Variants in DENND5A observed in about 807,000 individuals in gnomAD.
DENND5A encodes the protein DENN domain-containing protein 5A.
A neutral mutation model predicts 140.3 loss-of-function variants in DENND5A; 64 were observed. The observed-to-expected ratio is 0.46, with a 90% CI of 0.37 to 0.56. The LOEUF is 0.56. Among genes scored for constraint, DENND5A ranks in the 20% least tolerant of loss-of-function variants. The pLI is 0.00. For missense variants in DENND5A, 1,292 were observed against 1,593.8 expected (o/e 0.81, Z 3.22); for synonymous variants, 605 against 607.7 (o/e 1.00, Z 0.07).
At chr11:9,242,162 A>G (rs796317547) in intron 1 of DENND5A, among the ~76,000 whole-genome samples, 64 of 152,186 alleles carry the variant, frequency 4.2e-4, no homozygotes, top group African/African-American at 1.5e-3. Flanking sequence ...TTATTTTTCA[A>G]TGTCTCCCTC....
Position 9,216,094 on chromosome 11 carries a change from G to A in DENND5A, c.110-8462C>T, listed in dbSNP as rs561004715. Among the ~76,000 whole-genome samples the A allele has an allele frequency of 5.9e-5, 9 of 152,322 alleles. No homozygotes were observed. The East Asian group carries it at 1.7e-3, about 29-fold the overall frequency. ...TGTAATCAGCCTAAATTAAGTCTGA[G>A]CAACTAGTCAAGAAGGCAGGAGACA... is the stretch of plus-strand genomic sequence containing the variant. On this transcript the variant is annotated intron_variant, in intron 1 of 22. Transcript: ENST00000328194.
At chr11:9,144,894 C>T (rs971205165) in intron 18 of DENND5A, 101 bp downstream of exon 18, 21 of 825,606 alleles carry the variant, frequency 2.5e-5, no homozygotes, top group Non-Finnish European at 3.9e-5. Context: ...CAGGTTATCA[C>T]AACCTAAAGG....
At chr11:9,176,993 G>A (rs1014224570) in intron 8 of DENND5A, 15 of 450,694 alleles carry the variant, frequency 3.3e-5, no homozygotes, top group South Asian at 1.4e-4. Flanking sequence ...AGTGGCTAAC[G>A]CCTATAATCC....
intron 8 of DENND5A, among the ~76,000 whole-genome samples, chr11:9,173,140 T>C (rs1848429302): frequency 6.6e-6 from 1 of 152,084 alleles, no homozygotes; most frequent in Admixed American, 6.6e-5. Flanking sequence ...GCAACATCTT[T>C]AGAGTACTGA....
intron 5 of DENND5A, among the ~76,000 whole-genome samples, chr11:9,192,345 C>A (rs573831888): frequency 4.6e-5 from 7 of 152,028 alleles, no homozygotes; most frequent in African/African-American, 1.4e-4. Context: ...ATCTCTACCC[C>A]CGGCCGGGCG....
chr11:9,252,271 G>T (rs569582753), intron 1 of DENND5A, among the ~76,000 whole-genome samples: 70 of 148,700 alleles, frequency 4.7e-4, no homozygotes, highest in Non-Finnish European at 8.9e-4. Context: ...ACTCCAGCCT[G>T]GGCGACAGAG....
rs2136211311 is a variant in DENND5A, at chr11:9,203,732, G to A, written c.877C>T (p.Leu293Phe). Reference protein sequence around the residue: ...DFPVKEVFELLGVENVFQLFT... With the variant: ...DFPVKEVFELFGVENVFQLFT... ...AGCTGAAACACATTCTCCACCCCGA[G>A]CAGTTCAAAAACCTCTTTGACAGGA... Residue 293 changes from leucine to phenylalanine, a missense_variant, in exon 4 of 23, where the codon CTC (leucine) becomes TTC (phenylalanine). Physicochemically the swap from Leu to Phe is conservative, Grantham distance 22 (BLOSUM62 0). Coordinates refer to ENST00000328194, the MANE Select transcript of DENND5A (RefSeq NM_015213.4). 2 of 1,614,164 alleles carry A rather than the reference G, an allele frequency of 1.2e-6. No homozygotes were observed. Among genetic ancestry groups the A allele is most frequent in the Non-Finnish European group, 1.7e-6 (2 of 1,180,024 alleles).
At chr11:9,233,338 G>A (rs1850854251) in intron 1 of DENND5A, among the ~76,000 whole-genome samples, 1 of 151,418 alleles carries the variant, frequency 6.6e-6, no homozygotes, top group Non-Finnish European at 1.5e-5. Flanking sequence ...GGCAGAGGTT[G>A]GAGTGAGCTG....
chr11:9,201,496 C>T (rs1849522510), intron 4 of DENND5A, among the ~76,000 whole-genome samples: 1 of 151,866 alleles, frequency 6.6e-6, no homozygotes, highest in African/African-American at 2.4e-5. Flanking sequence ...TGTAGCAAGA[C>T]CCCATGTCTA....
chr11:9,153,712 A>G (rs776921955), intron 12 of DENND5A, among the ~76,000 whole-genome samples: 2 of 152,234 alleles, frequency 1.3e-5, no homozygotes, highest in Non-Finnish European at 2.9e-5. Context: ...AGTTGAAGAA[A>G]TGTGCAGAAA....
chr11:9,189,594 C>T (rs1024869605), intron 5 of DENND5A, among the ~76,000 whole-genome samples: 1 of 151,336 alleles, frequency 6.6e-6, no homozygotes, highest in Non-Finnish European at 1.5e-5. Context: ...GGGAACCCAC[C>T]TCTTTTTTTG....
At chr11:9,195,063 C>T (rs1394772149) in intron 4 of DENND5A, among the ~76,000 whole-genome samples, 1 of 143,784 alleles carries the variant, frequency 7.0e-6, no homozygotes, top group East Asian at 2.1e-4. Flanking sequence ...ATTGGTACAG[C>T]CAATAAAATT....
chr11:9,251,449 C>CA (rs1213219120), intron 1 of DENND5A, among the ~76,000 whole-genome samples: 14 of 152,094 alleles, frequency 9.2e-5, no homozygotes, highest in African/African-American at 3.4e-4. Flanking sequence ...AAAGACAGTA[C>CA]AATATTTGAG....
chr11:9,188,667 G>T (rs953688885), intron 5 of DENND5A, among the ~76,000 whole-genome samples: 1 of 152,204 alleles, frequency 6.6e-6, no homozygotes, highest in African/African-American at 2.4e-5. Context: ...GTGTTTTACT[G>T]AAGAGACTGG....
intron 1 of DENND5A, among the ~76,000 whole-genome samples, chr11:9,231,131 T>C (rs1317914778): frequency 6.6e-6 from 1 of 152,222 alleles, no homozygotes; most frequent in Non-Finnish European, 1.5e-5. Context: ...CTCCTTTCTT[T>C]CCAAAAGGTC....
Position 9,228,110 on chromosome 11 carries a change from C to CAAAA in DENND5A, c.110-20482_110-20479dup, listed in dbSNP as rs548141276. Among the ~76,000 whole-genome samples the CAAAA allele has an allele frequency of 9.5e-3, 691 of 72,400 alleles. 37 individuals are homozygous for CAAAA. Among genetic ancestry groups the CAAAA allele is most frequent in the African/African-American group, 0.02 (348 of 17,564 alleles). 47.5% of individuals were successfully genotyped at this position (72,400 alleles called of 152,430 possible). On this transcript the variant is annotated intron_variant, in intron 1 of 22. Transcript: ENST00000328194. ...CCTGGGCGATAGCAAGACTCCATCTCAAAAAAAAAAAAAAAAAAAAAACTT... is the reference window on the plus strand; with the variant it reads ...CCTGGGCGATAGCAAGACTCCATCTCAAAAAAAAAAAAAAAAAAAAAAAAAACTT...
At chr11:9,235,844 A>G (rs754153296) in intron 1 of DENND5A, among the ~76,000 whole-genome samples, 2 of 152,294 alleles carry the variant, frequency 1.3e-5, no homozygotes, top group African/African-American at 4.8e-5. Flanking sequence ...GTAACTGTTT[A>G]ATGAGTGCAG....
At chr11:9,153,678 A>G (rs1223947903) in intron 12 of DENND5A, among the ~76,000 whole-genome samples, 1 of 152,188 alleles carries the variant, frequency 6.6e-6, no homozygotes, top group African/African-American at 2.4e-5. Flanking sequence ...CATCACTATA[A>G]CAAGGATTTA....
At chr11:9,231,715 C>CAAAAAA (rs71062818) in intron 1 of DENND5A, among the ~76,000 whole-genome samples, 6 of 78,956 alleles carry the variant, frequency 7.6e-5, no homozygotes, top group Admixed American at 1.7e-4. Flanking sequence ...AACTCCGTCT[C>CAAAAAA]AAAAAAAAAA....
Sources: gnomAD v4.1 joint callset for allele counts (sites outside exome capture counted in the v4.1 genomes callset) on GRCh38, gnomAD v4.1.1 for gene constraint, MANE v1.5 for transcripts, NCBI Gene and HGNC (gene_info 2026-07-23, HGNC 2026-07-21) for gene names.